YAP1: variants seen among roughly 807,000 people sequenced by gnomAD.
The protein encoded by YAP1 is transcriptional coactivator YAP1.
In YAP1, 5 loss-of-function variants were observed where a neutral mutation model predicts 56.9. The ratio of observed to expected loss-of-function variants is 0.09; its 90% CI spans 0.05 to 0.18. The LOEUF (loss-of-function observed/expected upper bound fraction) is 0.18. Among genes scored for constraint, YAP1 ranks in the 10% least tolerant of loss-of-function variants. The pLI, the probability that YAP1 is intolerant of heterozygous loss-of-function variation, is 1.00. For synonymous variants in YAP1, 265 were observed against 248.1 expected, an observed-to-expected ratio of 1.07 and a Z score of -0.64; for missense variants, 539 against 651.8, an observed-to-expected ratio of 0.83 and a Z score of 1.88.
intron 2 of YAP1, among the ~76,000 whole-genome samples, chr11:102,122,895 C>CAAA (rs56934997): frequency 2.0e-4 from 16 of 79,450 alleles, no homozygotes; most frequent in Admixed American, 6.4e-4. Flanking sequence ...AGACTTCTCT[C>CAAA]AAAAAAAAAA....
At chr11:102,219,611 G>T (rs1046435628) in intron 6 of YAP1, among the ~76,000 whole-genome samples, 3 of 151,932 alleles carry the variant, frequency 2.0e-5, no homozygotes, top group South Asian at 2.1e-4. Context: ...AGATAGAAAA[G>T]AAATAAGAGG....
chr11:102,184,820 T>G (rs895427300), intron 3 of YAP1, among the ~76,000 whole-genome samples: 2 of 152,200 alleles, frequency 1.3e-5, no homozygotes, highest in Non-Finnish European at 1.5e-5. Flanking sequence ...AGTATAGTTG[T>G]GAAGAGCAGT....
At chr11:102,178,363 T>C (rs962629496) in intron 3 of YAP1, among the ~76,000 whole-genome samples, 2 of 152,180 alleles carry the variant, frequency 1.3e-5, no homozygotes, top group Admixed American at 1.3e-4. Context: ...GGTGACTTCT[T>C]TATTCCCAAA....
At chr11:102,213,355 G>A (rs1229394723) in intron 6 of YAP1, among the ~76,000 whole-genome samples, 5 of 152,086 alleles carry the variant, frequency 3.3e-5, no homozygotes, top group East Asian at 1.9e-4. Context: ...GTGGTGGGGC[G>A]GGCGCCTTTA....
chr11:102,229,800 G>A lies in YAP1; in HGVS notation c.1375G>A (p.Glu459Lys). 2 of 1,614,184 alleles carry A rather than the reference G, an allele frequency of 1.2e-6. No homozygotes were observed. Among genetic ancestry groups the A allele is most frequent in the Non-Finnish European group, 1.7e-6 (2 of 1,180,008 alleles). ...GACAAATGTGGACCTTGGAACACTG[G>A]AAGGAGATGGAATGAACATAGAAGG... ...PGTNVDLGTLEGDGMNIEGEE... is the reference protein window; with the variant it reads ...PGTNVDLGTLKGDGMNIEGEE... The change falls in exon 9 of 9, where the codon GAA becomes AAA. Residue 459 changes from glutamate (E) to lysine (K), a missense_variant. Around this residue, in one of 4 missense-constraint regions of YAP1, gnomAD observed 414 missense variants for 512.4 expected, o/e 0.81. Transcript: ENST00000282441.
At chr11:102,183,847 C>T (rs1186083982) in intron 3 of YAP1, among the ~76,000 whole-genome samples, 13 of 151,654 alleles carry the variant, frequency 8.6e-5, no homozygotes, top group African/African-American at 2.7e-4. Context: ...GAGGCCGAGG[C>T]GGGCGGATCA....
At chr11:102,119,353 T>C (rs188456088) in intron 2 of YAP1, among the ~76,000 whole-genome samples, 1 of 152,228 alleles carries the variant, frequency 6.6e-6, no homozygotes, top group Non-Finnish European at 1.5e-5. Flanking sequence ...TAGTGTGAAC[T>C]AAGAAAGAAG....
At chr11:102,119,245 C>T (rs1943500970) in intron 2 of YAP1, among the ~76,000 whole-genome samples, 1 of 151,852 alleles carries the variant, frequency 6.6e-6, no homozygotes, top group Admixed American at 6.6e-5. Flanking sequence ...CTGTATTCAC[C>T]AGTGGCAGAA....
intron 4 of YAP1, among the ~76,000 whole-genome samples, chr11:102,192,388 T>C (rs901317897): frequency 5.9e-5 from 9 of 152,252 alleles, no homozygotes; most frequent in Non-Finnish European, 7.3e-5. Context: ...AAAATAGTTA[T>C]GTCATTGCTC....
chr11:102,186,007 C>G lies in YAP1; in HGVS notation c.689-11C>G. ...AAAACCATGATTTTTTTTTTTTTTTCTGTATTATAGGTCCTCTTCCTGATG... is the reference window on the plus strand; with the variant it reads ...AAAACCATGATTTTTTTTTTTTTTTGTGTATTATAGGTCCTCTTCCTGATG... On this transcript the variant is annotated splice_polypyrimidine_tract_variant and intron_variant, in intron 3 of 8. Coordinates refer to ENST00000282441, the MANE Select transcript of YAP1 (RefSeq NM_001130145.3). 5.9e-5 allele frequency: 67 copies of G among 1,129,484 alleles called. No individual in the cohort carries two copies. The highest frequency in any genetic ancestry group is 1.6e-4 in the East Asian group (4 of 25,456). 70.0% of individuals were successfully genotyped at this position (1,129,484 alleles called of 1,614,324 possible).
intron 2 of YAP1, among the ~76,000 whole-genome samples, chr11:102,122,895 C>CAAAAAAAAAAAAAAAAAAAAAAAAAAAA (rs56934997): frequency 2.5e-5 from 2 of 79,448 alleles, no homozygotes; most frequent in Admixed American, 1.6e-4. Context: ...AGACTTCTCT[C>CAAAAAAAAAAAAAAAAAAAAAAAAAAAA]AAAAAAAAAA....
chr11:102,181,665 C>G (rs1342760487), intron 3 of YAP1, among the ~76,000 whole-genome samples: 1 of 152,092 alleles, frequency 6.6e-6, no homozygotes, highest in Non-Finnish European at 1.5e-5. Context: ...GTAGATTTGC[C>G]TAATCCTAGC....
chr11:102,122,895 C>CAAAGAAAAAA (rs1943758678), intron 2 of YAP1, among the ~76,000 whole-genome samples: 1 of 79,448 alleles, frequency 1.3e-5, no homozygotes, highest in Non-Finnish European at 2.4e-5. Flanking sequence ...AGACTTCTCT[C>CAAAGAAAAAA]AAAAAAAAAA....
intron 2 of YAP1, among the ~76,000 whole-genome samples, chr11:102,154,093 A>T (rs1193282930): frequency 2.0e-5 from 3 of 152,172 alleles, no homozygotes; most frequent in Admixed American, 2.0e-4. Context: ...CAAAAAGGTG[A>T]TAATATATTT....
chr11:102,201,338 G>A (rs1948848760), intron 4 of YAP1, among the ~76,000 whole-genome samples: 1 of 152,178 alleles, frequency 6.6e-6, no homozygotes, highest in Admixed American at 6.5e-5. Flanking sequence ...TGTGTGATGT[G>A]TATGTGTTTG....
At chr11:102,135,843 CTT>C (rs1433871922) in intron 2 of YAP1, among the ~76,000 whole-genome samples, 1 of 152,080 alleles carries the variant, frequency 6.6e-6, no homozygotes, top group Non-Finnish European at 1.5e-5. Context: ...CAGTTTGCAT[CTT>C]TTGATCAATT....
At chr11:102,184,091 AAAAAG>A (rs200525553) in intron 3 of YAP1, among the ~76,000 whole-genome samples, 23,331 of 144,558 alleles carry the variant, frequency 0.16, 2,159 homozygotes, top group East Asian at 0.3. Context: ...AAAAAAAAAA[AAAAAG>A]AAAGCTACAA....
intron 4 of YAP1, among the ~76,000 whole-genome samples, chr11:102,193,808 A>G (rs182485280): frequency 2.6e-4 from 39 of 151,274 alleles, no homozygotes; most frequent in Admixed American, 1.3e-3. Flanking sequence ...AAGACCTTAC[A>G]TAGTTTTTTG....
intron 6 of YAP1, among the ~76,000 whole-genome samples, chr11:102,222,886 G>T (rs1344551066): frequency 6.6e-6 from 1 of 151,532 alleles, no homozygotes; most frequent in Non-Finnish European, 1.5e-5. Flanking sequence ...GCGGGGGAGG[G>T]GGTCGGGGGG....
Sources: allele counts gnomAD v4.1 joint callset (sites outside exome capture counted in the v4.1 genomes callset), GRCh38; gene constraint gnomAD v4.1.1; regional missense constraint gnomAD v4.1.1; transcripts MANE v1.5; gene names NCBI Gene and HGNC (gene_info 2026-07-23, HGNC 2026-07-21).